SCHIP1: variants seen among roughly 807,000 people sequenced by gnomAD.
The protein encoded by SCHIP1 is schwannomin interacting protein 1.
In SCHIP1, 8 loss-of-function variants were observed where a neutral mutation model predicts 29.7. The ratio of observed to expected loss-of-function variants is 0.27; its 90% CI spans 0.16 to 0.49. SCHIP1 has a LOEUF of 0.49. SCHIP1 is among the 20% of genes least tolerant of loss of function. The pLI, the probability that SCHIP1 is intolerant of heterozygous loss-of-function variation, is 0.99. For missense variants in SCHIP1, 193 were observed against 294.6 expected (o/e 0.66, Z 2.52); for synonymous variants, 76 against 94.9 (o/e 0.80, Z 1.16).
the SCHIP1 span, among the ~76,000 whole-genome samples, chr3:159,740,442 G>C: frequency 6.6e-6 from 1 of 152,112 alleles, no homozygotes; most frequent in African/African-American, 2.4e-5. Context: ...ACACACCACA[G>C]CTTCCAACTA....
chr3:159,506,687 C>G, the SCHIP1 span, among the ~76,000 whole-genome samples: 42 of 152,300 alleles, frequency 2.8e-4, 1 homozygote, highest in South Asian at 8.3e-3. Context: ...CTACATATGG[C>G]TAGCCAGTTT....
At chr3:159,582,325 G>A in the SCHIP1 span, among the ~76,000 whole-genome samples, 1 of 151,638 alleles carries the variant, frequency 6.6e-6, no homozygotes, top group Admixed American at 6.6e-5. Context: ...CACCATGTCT[G>A]GCTTATTTTT....
chr3:159,655,379 A>AGTGATG, the SCHIP1 span, among the ~76,000 whole-genome samples: 1 of 151,860 alleles, frequency 6.6e-6, no homozygotes, highest in Non-Finnish European at 1.5e-5. Flanking sequence ...CAGTAGTAGT[A>AGTGATG]GTGATGATGA....
chr3:159,763,122 C>T, the SCHIP1 span, among the ~76,000 whole-genome samples: 1 of 152,162 alleles, frequency 6.6e-6, no homozygotes, highest in African/African-American at 2.4e-5. Flanking sequence ...GCTAAAGCAA[C>T]AGGTTCCACC....
the SCHIP1 span, among the ~76,000 whole-genome samples, chr3:159,392,720 C>A: frequency 6.6e-6 from 1 of 151,848 alleles, no homozygotes; most frequent in Admixed American, 6.6e-5. Context: ...CATTGTTGGA[C>A]ATTTGGGTTG....
the SCHIP1 span, among the ~76,000 whole-genome samples, chr3:159,628,896 C>T: frequency 9.2e-5 from 14 of 151,566 alleles, no homozygotes; most frequent in Non-Finnish European, 1.8e-4. Context: ...AACATAAAAT[C>T]ATAAAAACAT....
chr3:159,825,264 A>G, the SCHIP1 span, among the ~76,000 whole-genome samples: 1 of 152,274 alleles, frequency 6.6e-6, no homozygotes, highest in South Asian at 2.1e-4. Flanking sequence ...CAGTTGAGTA[A>G]GTGTTAGCCT....
chr3:159,464,309 G>A, the SCHIP1 span, among the ~76,000 whole-genome samples: 2 of 152,166 alleles, frequency 1.3e-5, no homozygotes, highest in African/African-American at 4.8e-5. Context: ...TATGAATTGT[G>A]TGAGTTCTGG....
chr3:159,879,865 G>C (rs908711188), intron 2 of SCHIP1, among the ~76,000 whole-genome samples: 1 of 152,208 alleles, frequency 6.6e-6, no homozygotes, highest in African/African-American at 2.4e-5. Context: ...AAGCTGGTGA[G>C]TGATAGTTTC....
the SCHIP1 span, among the ~76,000 whole-genome samples, chr3:159,779,483 A>T: frequency 2.0e-5 from 3 of 151,054 alleles, no homozygotes; most frequent in Non-Finnish European, 4.4e-5. Flanking sequence ...AGCCTGGCCA[A>T]CATGGTGAAA....
the SCHIP1 span, among the ~76,000 whole-genome samples, chr3:159,698,741 C>T: frequency 6.6e-6 from 1 of 152,082 alleles, no homozygotes; most frequent in Non-Finnish European, 1.5e-5. Flanking sequence ...TGGGTTCAAG[C>T]AATTCTCGTG....
chr3:159,570,000 A>G, the SCHIP1 span, among the ~76,000 whole-genome samples: 2 of 152,026 alleles, frequency 1.3e-5, no homozygotes, highest in East Asian at 3.9e-4. Context: ...TCCTTCGCCG[A>G]CTTTTGGATG....
the SCHIP1 span, among the ~76,000 whole-genome samples, chr3:159,539,219 G>A: frequency 5.6e-5 from 8 of 142,024 alleles, 1 homozygote; most frequent in African/African-American, 2.0e-4. Flanking sequence ...TAACTTTTTG[G>A]TAGTCAATAA....
the SCHIP1 span, among the ~76,000 whole-genome samples, chr3:159,699,214 C>T: frequency 6.6e-6 from 1 of 152,288 alleles, no homozygotes; most frequent in Non-Finnish European, 1.5e-5. Flanking sequence ...TTGACTTAGG[C>T]ATTTGCTCTA....
At chr3:159,420,686 G>T in the SCHIP1 span, among the ~76,000 whole-genome samples, 1 of 152,144 alleles carries the variant, frequency 6.6e-6, no homozygotes, top group Non-Finnish European at 1.5e-5. Flanking sequence ...GGAAACAATG[G>T]CATAATTATC....
At chr3:159,323,421 C>A in the SCHIP1 span, among the ~76,000 whole-genome samples, 1 of 151,908 alleles carries the variant, frequency 6.6e-6, no homozygotes, top group Non-Finnish European at 1.5e-5. Context: ...TGCTTTGCAC[C>A]CTTTTTTAGA....
chr3:159,672,036 T>C, the SCHIP1 span, among the ~76,000 whole-genome samples: 1 of 152,150 alleles, frequency 6.6e-6, no homozygotes, highest in African/African-American at 2.4e-5. Flanking sequence ...ACAGAGCAAG[T>C]TGGGGATAAT....
At chr3:159,337,953 A>G in the SCHIP1 span, among the ~76,000 whole-genome samples, 1 of 152,172 alleles carries the variant, frequency 6.6e-6, no homozygotes, top group African/African-American at 2.4e-5. Context: ...GAAAAATGTC[A>G]AAGAACACTC....
intron 6 of SCHIP1, chr3:159,893,111 C>T (rs1428524088): frequency 1.3e-5 from 2 of 152,148 alleles, no homozygotes; most frequent in African/African-American, 2.4e-5. Context: ...TACCATAGAC[C>T]TCATCTCAAT....
Sources: allele counts gnomAD v4.1 joint callset (sites outside exome capture counted in the v4.1 genomes callset), GRCh38; gene constraint gnomAD v4.1.1; transcripts MANE v1.5; gene names NCBI Gene and HGNC (gene_info 2026-07-23, HGNC 2026-07-21).